Variants in PTER observed in about 807,000 individuals in gnomAD.
PTER encodes the protein N-acetyltaurine hydrolase.
A neutral mutation model predicts 29.6 loss-of-function variants in PTER; 38 were observed. That is an observed-to-expected ratio of 1.28 (90% CI 0.99 to 1.68). The LOEUF (loss-of-function observed/expected upper bound fraction) is 1.68, where lower values mean the gene tolerates loss of function less well. Ranked by LOEUF, PTER falls within the 40% of genes most tolerant of loss-of-function variation. PTER has a pLI of 0.00. For synonymous variants in PTER, 172 were observed against 154.5 expected (o/e 1.11, Z -0.84); for missense variants, 482 against 427.8 (o/e 1.13, Z -1.12).
chr10:16,439,258 T>C lies in PTER; in HGVS notation c.-49+2211T>C, dbSNP rs192331967. ...AGGACAGTGGCTTTTCTGGAGGGAC[T>C]TAGGGAAAGATCAGTTTCACTGGGC... On this transcript the variant is annotated intron_variant, in intron 1 of 4. Coordinates refer to ENST00000535784, the MANE Select transcript of PTER (RefSeq NM_001261836.2). 9.5e-4 allele frequency among the ~76,000 whole-genome samples: 144 copies of C among 152,232 alleles called. 1 individual carries two copies. Among genetic ancestry groups the C allele is most frequent in the African/African-American group, 3.2e-3 (132 of 41,558 alleles).
chr10:16,463,975 A>C (rs1331445316), intron 1 of PTER, among the ~76,000 whole-genome samples: 5 of 152,100 alleles, frequency 3.3e-5, no homozygotes, highest in Admixed American at 6.5e-5. Flanking sequence ...CTCAAAGTAC[A>C]TCCGACGGTC....
chr10:16,505,186 C>A (rs1836515237), intron 4 of PTER, 26 bp downstream of exon 4: 1 of 1,611,008 alleles, frequency 6.2e-7, no homozygotes, highest in African/African-American at 1.3e-5. Flanking sequence ...CCTCTCATAG[C>A]ATTCCCTTTC....
At chr10:16,508,287 C>A (rs934792710) in intron 4 of PTER, among the ~76,000 whole-genome samples, 8 of 152,066 alleles carry the variant, frequency 5.3e-5, no homozygotes, top group African/African-American at 1.9e-4. Context: ...CCAGGATGGT[C>A]TTGATCTCCT....
chr10:16,485,883 CAGG>C (rs1835675600), intron 2 of PTER, among the ~76,000 whole-genome samples: 1 of 152,060 alleles, frequency 6.6e-6, no homozygotes, highest in Admixed American at 6.6e-5. Context: ...CACTTGATCT[CAGG>C]AGTTCCAAGT....
chr10:16,460,222 A>G (rs566528104), intron 1 of PTER, among the ~76,000 whole-genome samples: 69 of 152,338 alleles, frequency 4.5e-4, no homozygotes, highest in African/African-American at 1.4e-3. Context: ...CTGGGTTAGC[A>G]TAGCCTCTTT....
chr10:16,439,089 C>T (rs1833760202), intron 1 of PTER, among the ~76,000 whole-genome samples: 1 of 151,914 alleles, frequency 6.6e-6, no homozygotes, highest in Admixed American at 6.6e-5. Flanking sequence ...GAGGGTCTTC[C>T]AGTTTTGGGT....
At chr10:16,465,387 G>A (rs183629482) in intron 1 of PTER, among the ~76,000 whole-genome samples, 90 of 152,312 alleles carry the variant, frequency 5.9e-4, no homozygotes, top group African/African-American at 2.1e-3. Context: ...AAATTGAAAT[G>A]TATGCAGGTG....
At chr10:16,508,232 C>A (rs996578226) in intron 4 of PTER, among the ~76,000 whole-genome samples, 5 of 151,986 alleles carry the variant, frequency 3.3e-5, no homozygotes, top group Admixed American at 6.6e-5. Context: ...CCACGCCCGG[C>A]TAATTTTTTG....
At chr10:16,510,942 A>G (rs1310763557) in intron 4 of PTER, 104 bp from the exon 5 acceptor site, 1 of 907,690 alleles carries the variant, frequency 1.1e-6, no homozygotes. Flanking sequence ...AGAAGTCAGT[A>G]TCTTTACGAC....
chr10:16,461,204 A>G (rs988720799), intron 1 of PTER, among the ~76,000 whole-genome samples: 4 of 152,152 alleles, frequency 2.6e-5, no homozygotes, highest in Non-Finnish European at 2.9e-5. Flanking sequence ...GAGGTGCTCA[A>G]TTAAGCTATG....
chr10:16,505,725 G>T (rs1836535161), intron 4 of PTER, among the ~76,000 whole-genome samples: 1 of 152,164 alleles, frequency 6.6e-6, no homozygotes, highest in Admixed American at 6.5e-5. Flanking sequence ...AAAATTTTAG[G>T]CGTCAATGAT....
At chr10:16,485,599 A>G (rs2133452367) in intron 2 of PTER, among the ~76,000 whole-genome samples, 1 of 152,224 alleles carries the variant, frequency 6.6e-6, no homozygotes, top group Middle Eastern at 3.4e-3. Flanking sequence ...TTTTTTCTGC[A>G]TTATTTTCCA....
chr10:16,471,925 A>G (rs1241833088), intron 1 of PTER, among the ~76,000 whole-genome samples: 3 of 152,224 alleles, frequency 2.0e-5, no homozygotes, highest in Admixed American at 6.5e-5. Flanking sequence ...ACTTACTGCT[A>G]AATTACTTTT....
intron 1 of PTER, among the ~76,000 whole-genome samples, chr10:16,453,758 C>G (rs1834295605): frequency 6.6e-6 from 1 of 152,176 alleles, no homozygotes. Context: ...ACAAAATGGT[C>G]TGTCTGATTT....
At chr10:16,474,357 A>G (rs961406025) in intron 1 of PTER, among the ~76,000 whole-genome samples, 11 of 152,228 alleles carry the variant, frequency 7.2e-5, no homozygotes, top group Non-Finnish European at 1.6e-4. Flanking sequence ...TGTCAGAAAA[A>G]TGATCTTCCC....
intron 3 of PTER, among the ~76,000 whole-genome samples, chr10:16,488,191 A>G (rs1261091478): frequency 6.6e-6 from 1 of 152,206 alleles, no homozygotes; most frequent in Non-Finnish European, 1.5e-5. Context: ...CTGATAAAGT[A>G]GAGGCATGCT....
chr10:16,463,887 C>G (rs1429228051), intron 1 of PTER, among the ~76,000 whole-genome samples: 3 of 152,294 alleles, frequency 2.0e-5, no homozygotes, highest in East Asian at 3.9e-4. Flanking sequence ...TGGAATACAG[C>G]TCATCATCCT....
intron 3 of PTER, among the ~76,000 whole-genome samples, chr10:16,491,757 C>G (rs1245954891): frequency 6.6e-6 from 1 of 152,156 alleles, no homozygotes; most frequent in African/African-American, 2.4e-5. Context: ...CTGGGACTCT[C>G]CAATGGGACT....
chr10:16,454,462 G>T (rs1834322349), intron 1 of PTER, among the ~76,000 whole-genome samples: 1 of 151,818 alleles, frequency 6.6e-6, no homozygotes. Context: ...TGTAATCCCA[G>T]ATACTTAGGA....
Sources: gnomAD v4.1 joint callset for allele counts (sites outside exome capture counted in the v4.1 genomes callset) on GRCh38, gnomAD v4.1.1 for gene constraint, MANE v1.5 for transcripts, NCBI Gene and HGNC (gene_info 2026-07-23, HGNC 2026-07-21) for gene names.